Variants in GPHN observed in about 807,000 individuals in gnomAD.
GPHN encodes gephyrin.
GPHN carries 17 observed loss-of-function variants against 95.5 expected under a neutral mutation model. The observed-to-expected ratio is 0.18, with a 90% CI of 0.12 to 0.27. The LOEUF is 0.27. Ranked by LOEUF, GPHN falls within the 10% of genes least tolerant of loss-of-function variation. GPHN has a pLI of 1.00. For synonymous variants in GPHN, 320 were observed against 322.5 expected, an observed-to-expected ratio of 0.99 and a Z score of 0.08; for missense variants, 660 against 978.1, an observed-to-expected ratio of 0.67 and a Z score of 4.34.
chr14:66,909,793 C>T (rs1466203200), intron 5 of GPHN, among the ~76,000 whole-genome samples: 1 of 151,640 alleles, frequency 6.6e-6, no homozygotes, highest in African/African-American at 2.4e-5. Flanking sequence ...ATGATACAAG[C>T]ATTGAAAAGG....
At chr14:66,598,354 A>G (rs2062071437) in intron 1 of GPHN, among the ~76,000 whole-genome samples, 1 of 151,772 alleles carries the variant, frequency 6.6e-6, no homozygotes, top group Non-Finnish European at 1.5e-5. Flanking sequence ...ACAGGTATCA[A>G]AGCATCATGT....
intron 2 of GPHN, among the ~76,000 whole-genome samples, chr14:66,698,263 G>A (rs1344052875): frequency 1.3e-5 from 2 of 152,032 alleles, no homozygotes; most frequent in Non-Finnish European, 2.9e-5. Flanking sequence ...TTTCAAAATG[G>A]AGAAAAAGGT....
chr14:67,663,044 G>A, the GPHN span: 3 of 1,427,234 alleles, frequency 2.1e-6, no homozygotes, highest in Non-Finnish European at 2.7e-6. Context: ...TTGCTGAGAG[G>A]CTGTCTGGTG....
the GPHN span, chr14:67,333,846 T>C: frequency 6.6e-6 from 1 of 152,574 alleles, no homozygotes; most frequent in Non-Finnish European, 1.5e-5. Context: ...ATGCTAATAG[T>C]TTTTTGTATA....
At chr14:67,616,021 G>T in the GPHN span, 1 of 303,136 alleles carries the variant, frequency 3.3e-6, no homozygotes, top group Admixed American at 4.0e-5. Flanking sequence ...GCTGAAAAAA[G>T]CAAGAAAAAG....
At chr14:67,427,383 G>A in the GPHN span, among the ~76,000 whole-genome samples, 14 of 152,344 alleles carry the variant, frequency 9.2e-5, no homozygotes, top group South Asian at 1.0e-3. Context: ...GAGGGTATGA[G>A]AGGGCAGCTC....
the GPHN span, among the ~76,000 whole-genome samples, chr14:67,379,137 T>C: frequency 6.6e-6 from 1 of 152,214 alleles, no homozygotes; most frequent in Non-Finnish European, 1.5e-5. Context: ...TAATTTTCCC[T>C]TCTGTGCCAT....
At chr14:67,706,772 T>A in the GPHN span, among the ~76,000 whole-genome samples, 1 of 152,026 alleles carries the variant, frequency 6.6e-6, no homozygotes, top group Non-Finnish European at 1.5e-5. Flanking sequence ...CTCCACCCTT[T>A]AAAAAAAATC....
chr14:67,248,895 A>G, the GPHN span, among the ~76,000 whole-genome samples: 751 of 152,056 alleles, frequency 4.9e-3, 7 homozygotes, highest in African/African-American at 0.017. Context: ...CCATGACCCA[A>G]GTGATCCTCC....
intron 4 of GPHN, 21 bp from the exon 5 acceptor site, chr14:66,879,918 C>T (rs769774918): frequency 8.1e-6 from 12 of 1,488,878 alleles, no homozygotes; most frequent in African/African-American, 1.4e-5. Flanking sequence ...ACTCAGTCTG[C>T]TATTTAATCT....
chr14:67,575,246 G>A, the GPHN span: 2 of 584,090 alleles, frequency 3.4e-6, no homozygotes, highest in South Asian at 4.3e-5. Context: ...CTGTGAAAGG[G>A]GTGGTTCCAT....
chr14:67,692,987 G>A, the GPHN span: 1 of 1,614,112 alleles, frequency 6.2e-7, no homozygotes, highest in Non-Finnish European at 8.5e-7. Context: ...ATTAGCTCCT[G>A]TGACCACAAC....
chr14:67,190,200 C>A, the GPHN span, among the ~76,000 whole-genome samples: 19 of 149,856 alleles, frequency 1.3e-4, 2 homozygotes, highest in African/African-American at 4.4e-4. Context: ...CAGGCGTGAG[C>A]CACTGTGCCC....
chr14:66,601,529 C>G (rs2062244163), intron 1 of GPHN, among the ~76,000 whole-genome samples: 1 of 151,990 alleles, frequency 6.6e-6, no homozygotes, highest in Admixed American at 6.6e-5. Context: ...TATACTCACT[C>G]TATGACCATT....
chr14:67,632,848 T>G, the GPHN span, among the ~76,000 whole-genome samples: 1 of 120,750 alleles, frequency 8.3e-6, no homozygotes. Context: ...TGAGGCAGAG[T>G]CTCGCTCTAT....
At chr14:67,669,506 AT>A in the GPHN span, among the ~76,000 whole-genome samples, 1 of 151,824 alleles carries the variant, frequency 6.6e-6, no homozygotes, top group African/African-American at 2.4e-5. Flanking sequence ...GCCTCATGCA[AT>A]CCTCCTGCCT....
At chr14:67,725,300 G>C in the GPHN span, 3 of 1,600,496 alleles carry the variant, frequency 1.9e-6, no homozygotes, top group South Asian at 2.2e-5. Context: ...TTGGGTATGG[G>C]AGTGGCTGCT....
chr14:67,045,174 TC>T (rs2153638500), intron 10 of GPHN, among the ~76,000 whole-genome samples: 1 of 152,314 alleles, frequency 6.6e-6, no homozygotes, highest in South Asian at 2.1e-4. Flanking sequence ...AATCTGTATT[TC>T]CCCGTGTCCT....
the GPHN span, among the ~76,000 whole-genome samples, chr14:67,707,317 T>C: frequency 1.3e-5 from 2 of 152,258 alleles, no homozygotes; most frequent in Non-Finnish European, 2.9e-5. Flanking sequence ...TACTACACTT[T>C]TTGAAACAAT....
Sources: allele counts gnomAD v4.1 joint callset (sites outside exome capture counted in the v4.1 genomes callset), GRCh38; gene constraint gnomAD v4.1.1; transcripts MANE v1.5; gene names NCBI Gene and HGNC (gene_info 2026-07-23, HGNC 2026-07-21).